Variants in XPA observed in about 807,000 individuals in gnomAD.
The protein encoded by XPA is XPA, DNA damage recognition and repair factor, also known as DNA repair protein complementing XP-A cells.
XPA carries 27 observed loss-of-function variants against 35.7 expected under a neutral mutation model. That is an observed-to-expected ratio of 0.76 (90% CI 0.56 to 1.04). XPA has a LOEUF of 1.04. Ranked by LOEUF, XPA falls within the 50% of genes least tolerant of loss-of-function variation. XPA has a pLI of 0.00. For synonymous variants in XPA, 133 were observed against 118.4 expected, an observed-to-expected ratio of 1.12 and a Z score of -0.80; for missense variants, 354 against 342.7, an observed-to-expected ratio of 1.03 and a Z score of -0.26.
At chr9:97,665,672 C>CT in the XPA span, among the ~76,000 whole-genome samples, 2 of 152,134 alleles carry the variant, frequency 1.3e-5, no homozygotes, top group Non-Finnish European at 2.9e-5. Flanking sequence ...TCCACTTAAA[C>CT]TATTATTTGG....
chr9:97,682,773 TTAATG>T (rs777196019), intron 5 of XPA, among the ~76,000 whole-genome samples: 39 of 152,304 alleles, frequency 2.6e-4, no homozygotes, highest in South Asian at 6.2e-4. Flanking sequence ...CAGCAGCAAT[TTAATG>T]TAATGAGAAA....
downstream of XPA, chr9:97,671,068 C>T: frequency 2.0e-6 from 3 of 1,534,856 alleles, no homozygotes; most frequent in Non-Finnish European, 2.7e-6. Flanking sequence ...CTAACTACCC[C>T]CTTTTGTGTG....
At chr9:97,676,007 T>TACGTC (rs1480504156) in intron 5 of XPA, 1 of 204,674 alleles carries the variant, frequency 4.9e-6, no homozygotes, top group Non-Finnish European at 1.0e-5. Context: ...TGTTAGGAGC[T>TACGTC]ACGTCAATAA....
chr9:97,674,288 C>A (rs148735165), downstream of XPA, among the ~76,000 whole-genome samples: 2 of 151,584 alleles, frequency 1.3e-5, no homozygotes, highest in Non-Finnish European at 2.9e-5. Flanking sequence ...TAGCATAGCA[C>A]GTATTAGTCA....
At chr9:97,676,944 CCTTT>C (rs1828385515) in intron 5 of XPA, among the ~76,000 whole-genome samples, 1 of 152,118 alleles carries the variant, frequency 6.6e-6, no homozygotes, top group Admixed American at 6.5e-5. Flanking sequence ...TGCCCTCCTT[CCTTT>C]AAATTTTACT....
intron 5 of XPA, among the ~76,000 whole-genome samples, chr9:97,679,653 A>G (rs1346008681): frequency 6.6e-6 from 1 of 152,220 alleles, no homozygotes; most frequent in Non-Finnish European, 1.5e-5. Context: ...TATATCCAAT[A>G]TAATAACTAA....
At chr9:97,666,790 T>C in the XPA span, 4 of 1,607,472 alleles carry the variant, frequency 2.5e-6, no homozygotes, top group Non-Finnish European at 3.4e-6. Flanking sequence ...TTTTGCACTC[T>C]ACAATTCGTA....
At chr9:97,687,715 G>A (rs534335739) in intron 3 of XPA, among the ~76,000 whole-genome samples, 2 of 152,306 alleles carry the variant, frequency 1.3e-5, no homozygotes, top group South Asian at 2.1e-4. Flanking sequence ...CTAGGGGTGC[G>A]AAAGGGGTAA....
rs372447411 is a variant in XPA, at chr9:97,689,607, C to T, written c.316G>A (p.Glu106Lys). Residue 106 changes from glutamate to lysine, a missense_variant, in exon 3 of 6, where the codon GAA (glutamate) becomes AAA (lysine). Physicochemically the swap from Glu to Lys is moderately conservative, Grantham distance 56. Coordinates refer to ENST00000375128, the MANE Select transcript of XPA (RefSeq NM_000380.4). ...TCCATAAATTCTTTCCCACATTCTT[C>T]GCATATTACATAATCAAATTCCATA... ...PVMEFDYVIC[E>K]ECGKEFMDSY... The T allele has an allele frequency of 2.7e-5, 43 of 1,612,324 alleles. No individual in the cohort carries two copies. The highest frequency in any genetic ancestry group is 2.0e-4 in the East Asian group (9 of 44,756).
the XPA span, chr9:97,662,858 G>T: frequency 2.3e-6 from 2 of 860,496 alleles, no homozygotes; most frequent in Non-Finnish European, 3.7e-6. Context: ...TTTATATATT[G>T]CATTATAAAT....
chr9:97,663,889 A>G, the XPA span, among the ~76,000 whole-genome samples: 1 of 151,964 alleles, frequency 6.6e-6, no homozygotes, highest in Admixed American at 6.6e-5. Context: ...CTTAAGACCT[A>G]ATGATCAGGC....
chr9:97,658,470 T>G, the XPA span, among the ~76,000 whole-genome samples: 5 of 152,182 alleles, frequency 3.3e-5, no homozygotes, highest in Admixed American at 2.6e-4. Context: ...ATGCCTGAGA[T>G]TTGGTGTGCT....
At chr9:97,666,690 A>G in the XPA span, 1 of 998,032 alleles carries the variant, frequency 1.0e-6, no homozygotes, top group South Asian at 1.7e-5. Context: ...GAATGAAATT[A>G]CAAAAGTTGA....
intron 3 of XPA, among the ~76,000 whole-genome samples, chr9:97,687,930 A>G (rs1030713877): frequency 4.6e-5 from 7 of 152,204 alleles, no homozygotes; most frequent in Non-Finnish European, 7.4e-5. Context: ...AATGGTAAAC[A>G]CTAAAGAGCA....
intron 2 of XPA, among the ~76,000 whole-genome samples, chr9:97,690,372 G>A (rs1054723620): frequency 2.7e-5 from 4 of 150,786 alleles, no homozygotes; most frequent in Non-Finnish European, 3.0e-5. Context: ...CACCATGCCC[G>A]GATAATTTTT....
At chr9:97,692,852 C>T (rs1311014661) in intron 2 of XPA, among the ~76,000 whole-genome samples, 1 of 152,068 alleles carries the variant, frequency 6.6e-6, no homozygotes, top group Non-Finnish European at 1.5e-5. Flanking sequence ...AAACCATCCC[C>T]AGCCACCCCC....
downstream of XPA, chr9:97,674,895 T>C (rs1226348023): frequency 2.0e-6 from 1 of 492,676 alleles, no homozygotes; most frequent in South Asian, 1.6e-5. Context: ...GCCCCAAGAG[T>C]ACAGAAAACA....
downstream of XPA, chr9:97,673,879 G>GA (rs1828272185): frequency 6.6e-6 from 1 of 152,202 alleles, no homozygotes; most frequent in South Asian, 2.1e-4. Flanking sequence ...TGGTAAGGGT[G>GA]TAGAGGGTGA....
intron 1 of XPA, among the ~76,000 whole-genome samples, chr9:97,696,030 T>C (rs1246395965): frequency 6.6e-6 from 1 of 152,218 alleles, no homozygotes; most frequent in African/African-American, 2.4e-5. Flanking sequence ...TGTCTGACTC[T>C]AGCGTGCCTC....
Sources: gnomAD v4.1 joint callset for allele counts (sites outside exome capture counted in the v4.1 genomes callset) on GRCh38, gnomAD v4.1.1 for gene constraint, MANE v1.5 for transcripts, NCBI Gene and HGNC (gene_info 2026-07-23, HGNC 2026-07-21) for gene names.